The following PDLIM3 variants were observed in gnomAD, a reference collection of about 807,000 sequenced individuals.
The protein encoded by PDLIM3 is PDZ and LIM domain protein 3.
Under a neutral mutation model 37.3 loss-of-function variants are expected in PDLIM3, and 36 were observed. The ratio of observed to expected loss-of-function variants is 0.97; its 90% confidence interval spans 0.74 to 1.28. PDLIM3 has a LOEUF of 1.28. Among genes scored for constraint, PDLIM3 ranks in the 50% most tolerant of loss-of-function variants. The pLI, the probability that PDLIM3 is intolerant of heterozygous loss-of-function variation, is 0.00. For synonymous variants in PDLIM3, 174 were observed against 182.4 expected (o/e 0.95, Z 0.37); for missense variants, 454 against 485.0 (o/e 0.94, Z 0.60).
intron 1 of PDLIM3, among the ~76,000 whole-genome samples, chr4:185,534,104 C>T (rs974015435): frequency 6.6e-6 from 1 of 152,112 alleles, no homozygotes; most frequent in Non-Finnish European, 1.5e-5. Flanking sequence ...TATAAAAACA[C>T]GTCAGATGTG....
At chr4:185,502,870 AAG>A (rs2095689451) in intron 7 of PDLIM3, among the ~76,000 whole-genome samples, 1 of 152,158 alleles carries the variant, frequency 6.6e-6, no homozygotes, top group Non-Finnish European at 1.5e-5. Context: ...CTACCCAATG[AAG>A]AGTCTCTCTG....
In PDLIM3 at chr4:185,528,119, A is replaced by G. The variant is rs140756322; in HGVS notation, c.94-2948T>C. Among the ~76,000 whole-genome samples, 78 of 152,286 alleles carry G rather than the reference A, an allele frequency of 5.1e-4. 1 individual carries two copies. Among genetic ancestry groups the G allele is most frequent in the African/African-American group, 1.8e-3 (73 of 41,564 alleles). On this transcript the variant is annotated intron_variant, in intron 1 of 7. Transcript: ENST00000284767. Reference sequence around the variant, plus strand: ...AACACACAAGCAGGTGTATCTCAACATATTTGCTTTTAGAGCCTAACTTAG... The same window carrying G: ...AACACACAAGCAGGTGTATCTCAACGTATTTGCTTTTAGAGCCTAACTTAG...
Position 185,514,995 on chromosome 4 carries a change from G to A in PDLIM3, c.331-658C>T. 1 of 835,604 alleles carries A rather than the reference G, an allele frequency of 1.2e-6. No homozygotes were observed. The highest frequency in any genetic ancestry group is 1.8e-6 in the Non-Finnish European group (1 of 558,378). 51.8% of individuals were successfully genotyped at this position (835,604 alleles called of 1,614,324 possible). A position where few individuals can be genotyped will look rare whatever the true frequency, so the allele number is the denominator to read the frequency against. ...TGTTAATAAAGGCATCTTTACCCAC[G>A]ACGAGATTGACGGAAAGATTAGAGG... On this transcript the variant is annotated intron_variant, in intron 3 of 7. Coordinates refer to ENST00000284767, the MANE Select transcript of PDLIM3 (RefSeq NM_014476.6). This position sits in a 1 kb window ranked among gnomAD's most constrained non-coding sequence, Gnocchi z 4.0.
At chr4:185,523,918 G>A (rs919384966) in intron 2 of PDLIM3, among the ~76,000 whole-genome samples, 6 of 151,330 alleles carry the variant, frequency 4.0e-5, no homozygotes, top group Non-Finnish European at 7.4e-5. Flanking sequence ...ACACCCGGCC[G>A]AAGTCGTACA....
intron 6 of PDLIM3, 38 bp downstream of exon 6, chr4:185,506,484 C>CT (rs2095697489): frequency 8.7e-6 from 14 of 1,612,684 alleles, no homozygotes; most frequent in African/African-American, 1.3e-5. Context: ...GCAGTGGCCT[C>CT]TATCAATACG....
Position 185,504,792 on chromosome 4 carries a change from G to A in PDLIM3, c.794-206C>T, listed in dbSNP as rs1414851123. On this transcript the variant is annotated intron_variant, in intron 6 of 7. Coordinates refer to ENST00000284767, the MANE Select transcript of PDLIM3 (RefSeq NM_014476.6). The surrounding 1 kb of genome is among the most constrained non-coding windows in gnomAD (Gnocchi z 4.7). ...TAGTGAAAACATTTATTTTGTTGTG[G>A]TTGGAGGAAACTGTTACAAAAACGC... is the stretch of plus-strand genomic sequence containing the variant. 6.6e-6 allele frequency among the ~76,000 whole-genome samples: 1 copy of A among 152,224 alleles called. No individual in the cohort carries two copies. The highest frequency in any genetic ancestry group is 2.4e-5 in the African/African-American group (1 of 41,448).
intron 3 of PDLIM3, 147 bp downstream of exon 3, chr4:185,523,215 T>C (rs1466856429): frequency 1.6e-6 from 1 of 627,524 alleles, no homozygotes; most frequent in Non-Finnish European, 2.9e-6. Context: ...ACACGGATAA[T>C]ATAAATTAAT....
intron 2 of PDLIM3, among the ~76,000 whole-genome samples, chr4:185,524,262 T>C (rs1326996600): frequency 6.6e-6 from 1 of 152,194 alleles, no homozygotes; most frequent in Non-Finnish European, 1.5e-5. Flanking sequence ...AGGTTATGCA[T>C]AGAGAGTGAA....
chr4:185,502,000 C>T lies in PDLIM3; in HGVS notation c.*294G>A, dbSNP rs2095687770. Reference sequence around the variant, plus strand: ...ATCTTGATGTTTATGTGTTTGATGGCTGTAATATACATGTAAATTGTGGAG... The same window carrying T: ...ATCTTGATGTTTATGTGTTTGATGGTTGTAATATACATGTAAATTGTGGAG... On this transcript the variant is annotated 3_prime_UTR_variant, in exon 8 of 8. Coordinates refer to ENST00000284767, the MANE Select transcript of PDLIM3 (RefSeq NM_014476.6). The T allele has an allele frequency of 4.5e-6, 2 of 440,062 alleles. No individual in the cohort carries two copies. Among genetic ancestry groups the T allele is most frequent in the South Asian group, 4.4e-5 (2 of 45,114 alleles). The allele number at this position is 440,062 out of a possible 1,614,324, so 27.3% of individuals were successfully genotyped here.
At position 185,528,270 on chromosome 4, in the gene PDLIM3, C is replaced by T. The variant is rs1001297138; in HGVS notation, c.94-3099G>A. On this transcript the variant is annotated intron_variant, in intron 1 of 7. Transcript: ENST00000284767. ...TGGGATGAGTGGGGGTTTGTTTCTGCATGTGTCCACACTAATTTTAAACAC... is the reference window on the plus strand; with the variant it reads ...TGGGATGAGTGGGGGTTTGTTTCTGTATGTGTCCACACTAATTTTAAACAC... Among the ~76,000 whole-genome samples, 8 of 152,284 alleles carry T rather than the reference C, an allele frequency of 5.3e-5. No homozygotes were observed. The East Asian group carries it at 1.5e-3, about 29-fold the overall frequency.
chr4:185,512,938 A>G, intron 4 of PDLIM3: 4 of 985,458 alleles, frequency 4.1e-6, no homozygotes, highest in Non-Finnish European at 4.8e-6. Flanking sequence ...GAGAGGACAC[A>G]GAGCTGCCAG....
In PDLIM3 at chr4:185,506,597, T is replaced by A; in HGVS notation, c.718A>T (p.Asn240Tyr). 6.2e-7 allele frequency: 1 copy of A among 1,612,086 alleles called. No homozygotes were observed. Residue 240 changes from asparagine to tyrosine, a missense_variant, in exon 6 of 8, where the codon AAT becomes TAT. By Grantham distance (143) the Asn-to-Tyr change is moderately radical. Transcript: ENST00000284767. The stretch of plus-strand genomic sequence containing the variant: ...CGAGGCTGTGTGGGCTCATTCCGAT[T>A]GTCGTGGAGCATCCGGTACACGTCC... Reference protein sequence around the residue: ...ESDVYRMLHDNRNEPTQPRQS... With the variant: ...ESDVYRMLHDYRNEPTQPRQS...
In PDLIM3 at chr4:185,524,532, A is replaced by G. The variant is rs536343501; in HGVS notation, c.245+488T>C. ...TGCCCACGTGCATATGCACTCTCAC[A>G]CCTGTAACATTCTTCTGGGCTGAAT... is the stretch of plus-strand genomic sequence containing the variant. On this transcript the variant is annotated intron_variant, in intron 2 of 7. Transcript: ENST00000284767. Among the ~76,000 whole-genome samples the G allele has an allele frequency of 1.1e-4, 16 of 152,352 alleles. No individual in the cohort carries two copies. The South Asian group carries it at 1.2e-3, about 12-fold the overall frequency.
intron 1 of PDLIM3, among the ~76,000 whole-genome samples, chr4:185,526,842 C>T (rs1322037422): frequency 6.6e-6 from 1 of 152,194 alleles, no homozygotes; most frequent in East Asian, 1.9e-4. Flanking sequence ...TCCTTCTCAA[C>T]CTTTAGGTCT....
At chr4:185,518,817 C>T (rs1430398891) in intron 3 of PDLIM3, among the ~76,000 whole-genome samples, 5 of 152,158 alleles carry the variant, frequency 3.3e-5, no homozygotes, top group Admixed American at 3.3e-4. Context: ...GACTTTATCC[C>T]ACACTCTTCT....
At chr4:185,519,803 A>G (rs2095720482) in intron 3 of PDLIM3, among the ~76,000 whole-genome samples, 1 of 152,188 alleles carries the variant, frequency 6.6e-6, no homozygotes, top group Non-Finnish European at 1.5e-5. Context: ...AGGTCACATA[A>G]CTTACAATAA....
At position 185,521,385 on chromosome 4, in the gene PDLIM3, CTTTCT is replaced by C. The variant is rs1323422417; in HGVS notation, c.330+1972_330+1976del. Among the ~76,000 whole-genome samples, 81 of 36,964 alleles carry C rather than the reference CTTTCT, an allele frequency of 2.2e-3. 12 individuals are homozygous for C. The highest frequency in any genetic ancestry group is 3.2e-3 in the African/African-American group (78 of 24,548). The allele number at this position is 36,964 out of a possible 152,430, so 24.2% of individuals were successfully genotyped here. ...TACCTAGCCTAAGTATCCCACTCAA[CTTTCT>C]TTTCTTTTCTTTTTTTTTTTTTTTG... On this transcript the variant is annotated intron_variant, in intron 3 of 7. Coordinates refer to ENST00000284767, the MANE Select transcript of PDLIM3 (RefSeq NM_014476.6).
At chr4:185,502,583 C>T in intron 7 of PDLIM3, 100 bp from the exon 8 acceptor site, 2 of 997,456 alleles carry the variant, frequency 2.0e-6, no homozygotes, top group Non-Finnish European at 1.5e-6. Context: ...CTCTATTTCA[C>T]AGTCAGGAAA....
At position 185,510,362 on chromosome 4, in the gene PDLIM3, A is replaced by G. The variant is rs146631336; in HGVS notation, c.399-1800T>C. Reference sequence around the variant, plus strand: ...GTACTGGGTAGATAAACAATGATCAATTTAGAACTTTTACTTATGCCATGT... The same window carrying G: ...GTACTGGGTAGATAAACAATGATCAGTTTAGAACTTTTACTTATGCCATGT... On this transcript the variant is annotated intron_variant, in intron 4 of 7. Transcript: ENST00000284767. Among the ~76,000 whole-genome samples the G allele has an allele frequency of 1.1e-3, 174 of 152,324 alleles. 1 individual carries two copies. Among genetic ancestry groups the G allele is most frequent in the African/African-American group, 4.0e-3 (166 of 41,562 alleles).
Sources: allele counts gnomAD v4.1 joint callset (sites outside exome capture counted in the v4.1 genomes callset), GRCh38; gene constraint gnomAD v4.1.1; non-coding constraint Gnocchi (gnomAD v3.1); transcripts MANE v1.5; gene names NCBI Gene and HGNC (gene_info 2026-07-23, HGNC 2026-07-21).